Variants in UMAD1 observed in about 807,000 individuals in gnomAD.
UMAD1 encodes UBAP1-MVB12-associated (UMA) domain containing 1.
Under a neutral mutation model 6.1 loss-of-function variants are expected in UMAD1, and 8 were observed. That is an observed-to-expected ratio of 1.30 (90% confidence interval 0.76 to 2.35). The LOEUF (loss-of-function observed/expected upper bound fraction) is 2.35. Among genes scored for constraint, UMAD1 ranks in the 30% most tolerant of loss-of-function variants. UMAD1 has a pLI of 0.00. For synonymous variants in UMAD1, 56 were observed against 31.4 expected (o/e 1.78, Z -2.61); for missense variants, 130 against 78.4 (o/e 1.66, Z -2.49).
intron 2 of UMAD1, among the ~76,000 whole-genome samples, chr7:7,728,527 C>T (rs753798000): frequency 4.6e-5 from 7 of 151,814 alleles, no homozygotes; most frequent in Admixed American, 6.6e-5. Context: ...ACCTGTAGTC[C>T]GAGCTACTCA....
In UMAD1 at chr7:7,673,436, A is replaced by G; in HGVS notation, c.65A>G (p.Asp22Gly). Residue 22 changes from aspartate (D) to glycine (G), a missense_variant, in exon 2 of 4, where the codon GAT becomes GGT. Asp to Gly is a moderately conservative substitution (Grantham distance 94). Coordinates refer to ENST00000682710, the MANE Select transcript of UMAD1 (RefSeq NM_001302348.2). Reference sequence around the variant, plus strand: ...CCCTCAGTACCAGAGACAGAAGCAGATGGATTCGTCCTTTTAGGTGAGTCT... The same window carrying G: ...CCCTCAGTACCAGAGACAGAAGCAGGTGGATTCGTCCTTTTAGGTGAGTCT... ...KKPSVPETEA[D>G]GFVLLGDTTD... is the part of the protein sequence containing the mutation. 1 of 922,110 alleles carries G rather than the reference A, an allele frequency of 1.1e-6. No individual in the cohort carries two copies. The highest frequency in any genetic ancestry group is 1.7e-6 in the Non-Finnish European group (1 of 584,514). 57.1% of individuals were successfully genotyped at this position (922,110 alleles called of 1,614,324 possible). A position where few individuals can be genotyped will look rare whatever the true frequency, so the allele number is the denominator to read the frequency against.
intron 2 of UMAD1, among the ~76,000 whole-genome samples, chr7:7,713,063 G>T (rs1312753013): frequency 6.6e-6 from 1 of 151,974 alleles, no homozygotes; most frequent in Admixed American, 6.5e-5. Context: ...CTAGGGCCGC[G>T]CGCGGTGGCT....
intron 2 of UMAD1, among the ~76,000 whole-genome samples, chr7:7,775,958 G>A (rs1477175436): frequency 1.3e-5 from 2 of 152,184 alleles, no homozygotes; most frequent in Non-Finnish European, 2.9e-5. Context: ...AAACTTTTCA[G>A]GGGTGATGGA....
At chr7:7,718,016 T>C (rs1380595797) in intron 2 of UMAD1, among the ~76,000 whole-genome samples, 1 of 152,232 alleles carries the variant, frequency 6.6e-6, no homozygotes, top group African/African-American at 2.4e-5. Context: ...ATCTAGTTTT[T>C]AGAATTGACA....
chr7:7,754,313 A>G (rs1053767146), intron 2 of UMAD1, among the ~76,000 whole-genome samples: 1 of 152,158 alleles, frequency 6.6e-6, no homozygotes, highest in African/African-American at 2.4e-5. Context: ...CTCAGGTGAC[A>G]TGATATCTTA....
intron 1 of UMAD1, among the ~76,000 whole-genome samples, chr7:7,643,219 T>C (rs1785015030): frequency 1.3e-5 from 2 of 152,206 alleles, no homozygotes; most frequent in South Asian, 4.1e-4. Flanking sequence ...GAGAAACAGC[T>C]TCCTGGGCAT....
chr7:7,875,265 TAAC>T (rs1439844220), intron 3 of UMAD1, among the ~76,000 whole-genome samples: 1 of 152,024 alleles, frequency 6.6e-6, no homozygotes, highest in African/African-American at 2.4e-5. Flanking sequence ...ACATCTAACA[TAAC>T]AATTAAAAGA....
chr7:7,793,105 A>C (rs181934081), intron 2 of UMAD1, among the ~76,000 whole-genome samples: 1 of 152,350 alleles, frequency 6.6e-6, no homozygotes, highest in African/African-American at 2.4e-5. Flanking sequence ...TGCTACACGC[A>C]AAGACAGAAT....
At chr7:7,724,813 A>G (rs553042732) in intron 2 of UMAD1, among the ~76,000 whole-genome samples, 4 of 152,346 alleles carry the variant, frequency 2.6e-5, no homozygotes, top group Non-Finnish European at 4.4e-5. Flanking sequence ...ATTCCTGTCC[A>G]TAAGGTCCAC....
chr7:7,822,828 T>A (rs999962054), intron 3 of UMAD1, among the ~76,000 whole-genome samples: 1 of 146,020 alleles, frequency 6.8e-6, no homozygotes, highest in Non-Finnish European at 1.5e-5. Flanking sequence ...GACGAAAAAC[T>A]TTTTTTTTTT....
intron 3 of UMAD1, among the ~76,000 whole-genome samples, chr7:7,813,352 G>A (rs1280136688): frequency 6.6e-6 from 1 of 151,984 alleles, no homozygotes; most frequent in Non-Finnish European, 1.5e-5. Context: ...CTACAGGCAT[G>A]CGACACCACG....
At chr7:7,724,103 G>T (rs1321479827) in intron 2 of UMAD1, among the ~76,000 whole-genome samples, 3 of 152,242 alleles carry the variant, frequency 2.0e-5, no homozygotes, top group Admixed American at 1.3e-4. Flanking sequence ...AATTTATGCT[G>T]TTAATCTTTC....
At chr7:7,872,731 T>C (rs1420365438) in intron 3 of UMAD1, among the ~76,000 whole-genome samples, 1 of 152,216 alleles carries the variant, frequency 6.6e-6, no homozygotes, top group Non-Finnish European at 1.5e-5. Flanking sequence ...TGTATGCCTA[T>C]ACCTCCACTT....
intron 2 of UMAD1, among the ~76,000 whole-genome samples, chr7:7,749,166 C>T (rs964251382): frequency 6.6e-6 from 1 of 152,166 alleles, no homozygotes; most frequent in African/African-American, 2.4e-5. Context: ...ATAACAAATT[C>T]AATTTATCAG....
intron 2 of UMAD1, among the ~76,000 whole-genome samples, chr7:7,771,443 T>A (rs1782099601): frequency 6.6e-6 from 1 of 152,190 alleles, no homozygotes; most frequent in Admixed American, 6.5e-5. Context: ...ATTTTCAGTA[T>A]AAACCTCTTT....
In UMAD1 at chr7:7,830,607, T is replaced by C. The variant is rs1583857441; in HGVS notation, c.156+28864T>C. 2.0e-5 allele frequency among the ~76,000 whole-genome samples: 3 copies of C among 152,284 alleles called. No homozygotes were observed. The highest frequency in any genetic ancestry group is 2.9e-5 in the Non-Finnish European group (2 of 68,026). ...CAAAGTGTGGAAACCACAGTCATAC[T>C]GATTCTTACCTTCAGCATGTTTTGG... On this transcript the variant is annotated intron_variant, in intron 3 of 3. Transcript: ENST00000682710. This position sits in a 1 kb window ranked among gnomAD's most constrained non-coding sequence, Gnocchi z 5.3.
intron 3 of UMAD1, among the ~76,000 whole-genome samples, chr7:7,859,306 A>G (rs1237281087): frequency 6.6e-6 from 1 of 152,180 alleles, no homozygotes; most frequent in Non-Finnish European, 1.5e-5. Context: ...ATTGGCACTT[A>G]TCTGTATTTT....
At chr7:7,792,886 G>A (rs928548703) in intron 2 of UMAD1, among the ~76,000 whole-genome samples, 2 of 152,160 alleles carry the variant, frequency 1.3e-5, no homozygotes, top group African/African-American at 4.8e-5. Context: ...ATGGCAGAAG[G>A]GGACAGCCCA....
chr7:7,746,545 C>A (rs1200493711), intron 2 of UMAD1, among the ~76,000 whole-genome samples: 3 of 152,198 alleles, frequency 2.0e-5, no homozygotes, highest in Non-Finnish European at 4.4e-5. Flanking sequence ...GTAGTTTTTG[C>A]CTTAGCTACT....
Sources: gnomAD v4.1 joint callset for allele counts (sites outside exome capture counted in the v4.1 genomes callset) on GRCh38, gnomAD v4.1.1 for gene constraint, Gnocchi (gnomAD v3.1) non-coding constraint, MANE v1.5 for transcripts, NCBI Gene and HGNC (gene_info 2026-07-23, HGNC 2026-07-21) for gene names.